NKAIN3: variants seen among roughly 807,000 people sequenced by gnomAD.
NKAIN3 encodes the protein sodium/potassium-transporting ATPase subunit beta-1-interacting protein 3.
Under a neutral mutation model 30.2 loss-of-function variants are expected in NKAIN3, and 25 were observed. The observed-to-expected ratio is 0.83, with a 90% confidence interval of 0.60 to 1.16. The LOEUF (loss-of-function observed/expected upper bound fraction) is 1.16, where lower values mean the gene tolerates loss of function less well. Ranked by LOEUF, NKAIN3 falls within the 50% of genes most tolerant of loss-of-function variation. NKAIN3 has a pLI of 0.00. For missense variants in NKAIN3, 225 were observed against 254.1 expected, an observed-to-expected ratio of 0.89 and a Z score of 0.78; for synonymous variants, 91 against 89.6, an observed-to-expected ratio of 1.02 and a Z score of -0.09.
intron 4 of NKAIN3, among the ~76,000 whole-genome samples, chr8:62,850,498 G>A (rs1225804846): frequency 1.3e-5 from 2 of 152,212 alleles, no homozygotes; most frequent in Non-Finnish European, 1.5e-5. Flanking sequence ...TGTTGCCATT[G>A]CTTTTGGTGT....
At chr8:62,537,475 G>A (rs569208866) in intron 1 of NKAIN3, among the ~76,000 whole-genome samples, 2 of 152,098 alleles carry the variant, frequency 1.3e-5, no homozygotes. Flanking sequence ...CTGCTGCAAG[G>A]TGCCCAGAAA....
intron 1 of NKAIN3, among the ~76,000 whole-genome samples, chr8:62,256,408 G>C (rs1358677699): frequency 6.6e-6 from 1 of 152,034 alleles, no homozygotes; most frequent in Admixed American, 6.5e-5. Context: ...GACAGAACAA[G>C]AATCTGTCTC....
rs1293953184 is a variant in NKAIN3 at position 62,478,327 on chromosome 8, T to C, written c.55-101212T>C. On this transcript the variant is annotated intron_variant, in intron 1 of 6. Coordinates refer to ENST00000623646, the MANE Select transcript of NKAIN3 (RefSeq NM_001304533.3). ...ATGCATGCTTTTAACCATTAGACTA[T>C]TATGCCACTATACAAAGCCAAGGTC... Among the ~76,000 whole-genome samples the C allele has an allele frequency of 5.9e-5, 9 of 152,316 alleles. No homozygotes were observed. The East Asian group carries it at 1.4e-3, about 23-fold the overall frequency.
intron 4 of NKAIN3, among the ~76,000 whole-genome samples, chr8:62,894,028 A>T (rs1295362636): frequency 3.9e-5 from 6 of 152,224 alleles, no homozygotes; most frequent in African/African-American, 1.4e-4. Flanking sequence ...CATATAATAG[A>T]TTAAATGAAT....
chr8:62,463,471 A>G lies in NKAIN3; in HGVS notation c.55-116068A>G, dbSNP rs558645116. Among the ~76,000 whole-genome samples the G allele has an allele frequency of 1.1e-3, 161 of 152,340 alleles. 1 individual carries two copies. The highest frequency in any genetic ancestry group is 3.8e-3 in the African/African-American group (158 of 41,582). ...TAGCAGGCATATTCTAAAATGTTGA[A>G]TGCAAATTTGTTATCAAAACTCATG... On this transcript the variant is annotated intron_variant, in intron 1 of 6. Transcript: ENST00000623646.
At chr8:62,503,336 G>C (rs182184530) in intron 1 of NKAIN3, among the ~76,000 whole-genome samples, 134 of 152,306 alleles carry the variant, frequency 8.8e-4, no homozygotes, top group Non-Finnish European at 1.6e-3. Flanking sequence ...TAGGTCACAT[G>C]CTTCAAGGGG....
chr8:62,771,024 A>C (rs2130635864), intron 4 of NKAIN3, among the ~76,000 whole-genome samples: 1 of 152,050 alleles, frequency 6.6e-6, no homozygotes, highest in East Asian at 1.9e-4. Flanking sequence ...CCAAGGGGAG[A>C]AAAAATTAAT....
intron 4 of NKAIN3, among the ~76,000 whole-genome samples, chr8:62,777,977 G>A (rs1817239249): frequency 6.6e-6 from 1 of 152,070 alleles, no homozygotes; most frequent in Admixed American, 6.6e-5. Context: ...CATGTTGGGG[G>A]GCTTGGATAA....
intron 3 of NKAIN3, among the ~76,000 whole-genome samples, chr8:62,685,171 T>C (rs1813759289): frequency 6.6e-6 from 1 of 152,156 alleles, no homozygotes; most frequent in African/African-American, 2.4e-5. Flanking sequence ...CATGACAAAA[T>C]AGCAGGTAGG....
chr8:62,782,182 C>T (rs1817372966), intron 4 of NKAIN3, among the ~76,000 whole-genome samples: 1 of 151,880 alleles, frequency 6.6e-6, no homozygotes, highest in Non-Finnish European at 1.5e-5. Context: ...CTCGACATCA[C>T]TAATCATCAG....
intron 3 of NKAIN3, among the ~76,000 whole-genome samples, chr8:62,721,202 C>T (rs1027921385): frequency 3.9e-5 from 6 of 152,120 alleles, no homozygotes; most frequent in Non-Finnish European, 7.4e-5. Context: ...CAAATAGAGC[C>T]AAATATACCA....
At chr8:62,955,797 A>G (rs905869323) in intron 6 of NKAIN3, among the ~76,000 whole-genome samples, 27 of 152,284 alleles carry the variant, frequency 1.8e-4, no homozygotes, top group Middle Eastern at 3.4e-3. Context: ...CACCCAAAAC[A>G]TACTTTTAAG....
At chr8:62,279,218 A>G (rs868542403) in intron 1 of NKAIN3, among the ~76,000 whole-genome samples, 1 of 150,888 alleles carries the variant, frequency 6.6e-6, no homozygotes, top group African/African-American at 2.4e-5. Flanking sequence ...CACTTTTGAT[A>G]GGGTTATTTT....
At chr8:62,740,919 T>C (rs1815845371) in intron 3 of NKAIN3, among the ~76,000 whole-genome samples, 1 of 152,046 alleles carries the variant, frequency 6.6e-6, no homozygotes, top group Non-Finnish European at 1.5e-5. Context: ...TCTGTGAATA[T>C]ATAAGGTATA....
At chr8:62,999,161 T>C (rs764153250) in intron 5 of NKAIN3, 17 of 152,318 alleles carry the variant, frequency 1.1e-4, no homozygotes, top group Non-Finnish European at 1.9e-4. Flanking sequence ...TGTATTGTTA[T>C]AAAGGAATAC....
At chr8:62,485,809 C>T (rs1806881804) in intron 1 of NKAIN3, among the ~76,000 whole-genome samples, 1 of 152,138 alleles carries the variant, frequency 6.6e-6, no homozygotes, top group Non-Finnish European at 1.5e-5. Flanking sequence ...TTCTGGAGGT[C>T]AACTTGAGAG....
chr8:62,296,208 C>A (rs756888935), intron 1 of NKAIN3, among the ~76,000 whole-genome samples: 1 of 152,084 alleles, frequency 6.6e-6, no homozygotes, highest in African/African-American at 2.4e-5. Context: ...AGAAGTGGAT[C>A]CTGGAATGTT....
chr8:62,368,782 T>C (rs1264474559), intron 1 of NKAIN3, among the ~76,000 whole-genome samples: 1 of 150,892 alleles, frequency 6.6e-6, no homozygotes, highest in African/African-American at 2.4e-5. Context: ...TCAAAACTAT[T>C]ATTTAATTAT....
intron 3 of NKAIN3, among the ~76,000 whole-genome samples, chr8:62,675,153 A>G (rs528930321): frequency 1.3e-5 from 2 of 152,270 alleles, no homozygotes; most frequent in East Asian, 3.9e-4. Context: ...ACCTATCTTA[A>G]AGGATTATTA....
Sources: gnomAD v4.1 joint callset for allele counts (sites outside exome capture counted in the v4.1 genomes callset) on GRCh38, gnomAD v4.1.1 for gene constraint, MANE v1.5 for transcripts, NCBI Gene and HGNC (gene_info 2026-07-23, HGNC 2026-07-21) for gene names.